The following RAD18 variants were observed in gnomAD, a reference collection of about 807,000 sequenced individuals.
The protein encoded by RAD18 is E3 ubiquitin-protein ligase RAD18.
RAD18 carries 47 observed loss-of-function variants against 60.4 expected under a neutral mutation model. The observed-to-expected ratio is 0.78, with a 90% CI of 0.62 to 0.99. RAD18 has a LOEUF of 0.99. RAD18 is among the 50% of genes least tolerant of loss of function. RAD18 has a pLI of 0.00. For synonymous variants in RAD18, 225 were observed against 195.5 expected, an observed-to-expected ratio of 1.15 and a Z score of -1.26; for missense variants, 640 against 593.3, an observed-to-expected ratio of 1.08 and a Z score of -0.82.
At chr3:8,911,962 C>T (rs915212597) in intron 9 of RAD18, among the ~76,000 whole-genome samples, 1 of 152,168 alleles carries the variant, frequency 6.6e-6, no homozygotes, top group African/African-American at 2.4e-5. Context: ...CATTGAAATC[C>T]TATACAGAAG....
At chr3:8,886,710 G>A (rs1170213184) in intron 12 of RAD18, among the ~76,000 whole-genome samples, 1 of 152,218 alleles carries the variant, frequency 6.6e-6, no homozygotes, top group Non-Finnish European at 1.5e-5. Flanking sequence ...TATGAAGAAA[G>A]GAATGTCAAC....
chr3:8,913,758 T>C, intron 7 of RAD18, 38 bp from the exon 8 acceptor site: 2 of 1,341,406 alleles, frequency 1.5e-6, no homozygotes, highest in East Asian at 2.4e-5. Flanking sequence ...GTTAATCACA[T>C]GTCTTTTTTA....
chr3:8,915,322 T>C (rs1328663126), intron 7 of RAD18, among the ~76,000 whole-genome samples: 1 of 152,006 alleles, frequency 6.6e-6, no homozygotes, highest in Non-Finnish European at 1.5e-5. Flanking sequence ...TTTTCTTGAA[T>C]CCATCAGAGC....
chr3:8,897,234 G>C lies in RAD18; in HGVS notation c.1322+1660C>G, dbSNP rs35229479. 4.7e-3 allele frequency among the ~76,000 whole-genome samples: 723 copies of C among 152,270 alleles called. 4 individuals carry two copies. The highest frequency in any genetic ancestry group is 8.0e-3 in the Non-Finnish European group (543 of 68,018). On this transcript the variant is annotated intron_variant, in intron 11 of 12. Coordinates refer to ENST00000264926, the MANE Select transcript of RAD18 (RefSeq NM_020165.4). ...TCATTCTGTTTTTATTCTTTCAACT[G>C]TCAGCAGTATAAATGACTGACACAA...
In RAD18 at chr3:8,913,624, G is replaced by A. The variant is rs1254339530; in HGVS notation, c.966+20C>T. 6.8e-7 allele frequency: 1 copy of A among 1,472,252 alleles called. No individual in the cohort carries two copies. The highest frequency in any genetic ancestry group is 9.2e-7 in the Non-Finnish European group (1 of 1,092,890). The allele number at this position is 1,472,252 out of a possible 1,614,324, so 91.2% of individuals were successfully genotyped here. ...CTTTCTTCATTTCTATCCATATACT[G>A]AAATAGCCCATTAACATACACTTTC... On this transcript the variant is annotated intron_variant, in intron 8 of 12. Transcript: ENST00000264926.
intron 4 of RAD18, chr3:8,947,019 C>T (rs1462949430): frequency 3.7e-6 from 2 of 540,948 alleles, no homozygotes; most frequent in East Asian, 3.1e-5. Context: ...TTATTCTATA[C>T]TACAGGAGAA....
rs780159232 is a variant in RAD18 at position 8,936,069 on chromosome 3, A to G, written c.705-14T>C. 6.7e-7 allele frequency: 1 copy of G among 1,482,998 alleles called. No individual in the cohort carries two copies. Among genetic ancestry groups the G allele is most frequent in the Non-Finnish European group, 9.0e-7 (1 of 1,109,602 alleles). The allele number at this position is 1,482,998 out of a possible 1,614,324, so 91.9% of individuals were successfully genotyped here. A position where few individuals can be genotyped will look rare whatever the true frequency, so the allele number is the denominator to read the frequency against. The stretch of plus-strand genomic sequence containing the variant: ...TTGTGAACAGAACTGAAAAGGGGGG[A>G]AGATACCTGATGATTATTGTGAATT... On this transcript the variant is annotated splice_polypyrimidine_tract_variant and intron_variant, in intron 6 of 12. Coordinates refer to ENST00000264926, the MANE Select transcript of RAD18 (RefSeq NM_020165.4).
Position 8,963,446 on chromosome 3 carries a change from T to G in RAD18, c.-61A>C. The G allele has an allele frequency of 1.4e-6, 2 of 1,443,648 alleles. No homozygotes were observed. Among genetic ancestry groups the G allele is most frequent in the South Asian group, 1.2e-5 (1 of 80,662 alleles). 89.4% of individuals were successfully genotyped at this position (1,443,648 alleles called of 1,614,324 possible). ...CTAGCCTCCGGCGCTCCAACACCACTCGAAATTCCCCGCGCTACCGCATTA... is the reference window on the plus strand; with the variant it reads ...CTAGCCTCCGGCGCTCCAACACCACGCGAAATTCCCCGCGCTACCGCATTA... On this transcript the variant is annotated 5_prime_UTR_variant, in exon 1 of 13. Coordinates refer to ENST00000264926, the MANE Select transcript of RAD18 (RefSeq NM_020165.4).
intron 4 of RAD18, among the ~76,000 whole-genome samples, chr3:8,943,741 G>C (rs1180291546): frequency 6.6e-6 from 1 of 151,932 alleles, no homozygotes; most frequent in Admixed American, 6.6e-5. Context: ...CAAATGTTAA[G>C]AAATAAAGCA....
At chr3:8,938,922 A>G (rs1940698872) in intron 6 of RAD18, among the ~76,000 whole-genome samples, 1 of 152,168 alleles carries the variant, frequency 6.6e-6, no homozygotes, top group South Asian at 2.1e-4. Context: ...ACAATAGTGG[A>G]CTAGCATGAG....
chr3:8,927,568 C>A lies in RAD18; in HGVS notation c.889+8303G>T, dbSNP rs147841996. On this transcript the variant is annotated intron_variant, in intron 7 of 12. Transcript: ENST00000264926. ...AGCCATCCCATTACTGGGTATATAC[C>A]CAAAGGATTATAAACCATGCTGCTA... Among the ~76,000 whole-genome samples, 294 of 152,220 alleles carry A rather than the reference C, an allele frequency of 1.9e-3. 2 individuals carry two copies. The highest frequency in any genetic ancestry group is 0.014 in the Middle Eastern group (4 of 294).
chr3:8,888,400 A>T (rs1939619472), intron 12 of RAD18, among the ~76,000 whole-genome samples: 1 of 152,254 alleles, frequency 6.6e-6, no homozygotes, highest in South Asian at 2.1e-4. Context: ...GTTGCTAACG[A>T]AACCTCTAAA....
At chr3:8,900,036 C>A (rs1939874834) in intron 10 of RAD18, among the ~76,000 whole-genome samples, 1 of 152,124 alleles carries the variant, frequency 6.6e-6, no homozygotes, top group African/African-American at 2.4e-5. Flanking sequence ...ATAACAAATT[C>A]TTCAAAAAAC....
chr3:8,930,747 TCA>T (rs1210959635), intron 7 of RAD18, among the ~76,000 whole-genome samples: 3 of 152,134 alleles, frequency 2.0e-5, no homozygotes, highest in Non-Finnish European at 4.4e-5. Flanking sequence ...TGAAAACCTA[TCA>T]CACTTAATAG....
chr3:8,891,900 A>C lies in RAD18; in HGVS notation c.1323-1449T>G, dbSNP rs150173555. Among the ~76,000 whole-genome samples, 29 of 152,346 alleles carry C rather than the reference A, an allele frequency of 1.9e-4. No individual in the cohort carries two copies. The East Asian group carries it at 5.6e-3, about 29-fold the overall frequency. The stretch of plus-strand genomic sequence containing the variant: ...TTTTTCAAGTAATGTGCTTATTACC[A>C]TATCTGCTCAAAAACCACATTCCTA... On this transcript the variant is annotated intron_variant, in intron 11 of 12. Coordinates refer to ENST00000264926, the MANE Select transcript of RAD18 (RefSeq NM_020165.4).
At chr3:8,962,098 C>T (rs922148304) in intron 1 of RAD18, among the ~76,000 whole-genome samples, 8 of 152,244 alleles carry the variant, frequency 5.3e-5, no homozygotes, top group African/African-American at 1.9e-4. Context: ...GCAGTAAGCA[C>T]AGTGAATACA....
chr3:8,878,150 G>A lies in RAD18; in HGVS notation c.*3207C>T, dbSNP rs1242697875. 2 of 152,210 alleles carry A rather than the reference G, an allele frequency of 1.3e-5. No homozygotes were observed. Among genetic ancestry groups the A allele is most frequent in the Non-Finnish European group, 2.9e-5 (2 of 68,096 alleles). The allele number at this position is 152,210 out of a possible 1,614,324, so 9.4% of individuals were successfully genotyped here. A position where few individuals can be genotyped will look rare whatever the true frequency, so the allele number is the denominator to read the frequency against. On this transcript the variant is annotated 3_prime_UTR_variant, in exon 13 of 13. Coordinates refer to ENST00000264926, the MANE Select transcript of RAD18 (RefSeq NM_020165.4). Reference sequence around the variant, plus strand: ...GATGCTGGTAGAAGTCTGTCGGGGGGAGCAGCAACATATGCAAGCATGGAC... The same window carrying A: ...GATGCTGGTAGAAGTCTGTCGGGGGAAGCAGCAACATATGCAAGCATGGAC...
chr3:8,913,805 G>T, intron 7 of RAD18, 85 bp from the exon 8 acceptor site: 1 of 844,718 alleles, frequency 1.2e-6, no homozygotes, highest in Non-Finnish European at 1.7e-6. Flanking sequence ...GTTAACATTA[G>T]AAGAAGATGG....
At position 8,951,826 on chromosome 3, in the gene RAD18, T is replaced by C. The variant is rs142419161; in HGVS notation, c.134-3256A>G. Among the ~76,000 whole-genome samples the C allele has an allele frequency of 1.7e-4, 26 of 152,350 alleles. 1 individual carries two copies. In the East Asian group the frequency reaches 5.0e-3, roughly 29 times the overall value. On this transcript the variant is annotated intron_variant, in intron 2 of 12. Coordinates refer to ENST00000264926, the MANE Select transcript of RAD18 (RefSeq NM_020165.4). ...TTAAACAACAGAAATTGTTTTCTCA[T>C]GGTTCTGGAGGCTAAAAGTCCAAGA...
Sources: allele counts gnomAD v4.1 joint callset (sites outside exome capture counted in the v4.1 genomes callset), GRCh38; gene constraint gnomAD v4.1.1; transcripts MANE v1.5; gene names NCBI Gene and HGNC (gene_info 2026-07-23, HGNC 2026-07-21).